EVI5: variants seen among roughly 807,000 people sequenced by gnomAD.
EVI5 encodes ecotropic viral integration site 5.
EVI5 carries 73 observed loss-of-function variants against 112.0 expected under a neutral mutation model. The observed-to-expected ratio is 0.65, with a 90% confidence interval of 0.54 to 0.79. EVI5 has a LOEUF of 0.79. EVI5 is among the 30% of genes least tolerant of loss of function. The pLI, the probability that EVI5 is intolerant of heterozygous loss-of-function variation, is 0.00. For missense variants in EVI5, 900 were observed against 968.8 expected, an observed-to-expected ratio of 0.93 and a Z score of 0.94; for synonymous variants, 305 against 319.9, an observed-to-expected ratio of 0.95 and a Z score of 0.50.
chr1:92,788,584 G>A (rs150205362), upstream of EVI5, among the ~76,000 whole-genome samples: 432 of 151,774 alleles, frequency 2.8e-3, 3 homozygotes, highest in African/African-American at 9.5e-3. Flanking sequence ...TCACAAGGTC[G>A]GGAGTTCAAG....
intron 19 of EVI5, among the ~76,000 whole-genome samples, chr1:92,518,052 C>T (rs1660242486): frequency 6.6e-6 from 1 of 151,984 alleles, no homozygotes; most frequent in Non-Finnish European, 1.5e-5. Flanking sequence ...TGCATGGCAC[C>T]ACACCTGGAA....
intron 19 of EVI5, among the ~76,000 whole-genome samples, chr1:92,537,784 T>TAA (rs200935840): frequency 2.1e-5 from 3 of 143,762 alleles, no homozygotes; most frequent in African/African-American, 2.5e-5. Context: ...CTACAGTACT[T>TAA]AAAAAAAAAA....
chr1:92,727,435 T>A (rs1156552710), intron 2 of EVI5, among the ~76,000 whole-genome samples: 2 of 152,186 alleles, frequency 1.3e-5, no homozygotes, highest in African/African-American at 4.8e-5. Context: ...AGAAATTATG[T>A]ATACCACTCC....
chr1:92,657,387 G>C (rs1484862866), intron 13 of EVI5, among the ~76,000 whole-genome samples: 1 of 152,138 alleles, frequency 6.6e-6, no homozygotes, highest in East Asian at 1.9e-4. Context: ...CATACGCCAG[G>C]TACGTCGGCT....
intron 1 of EVI5, among the ~76,000 whole-genome samples, chr1:92,741,920 C>T (rs994614603): frequency 3.3e-5 from 5 of 151,860 alleles, no homozygotes; most frequent in African/African-American, 9.7e-5. Context: ...GGCAATGATT[C>T]CTTAGACTAA....
chr1:92,587,750 GA>G lies in EVI5; in HGVS notation c.2070+17556del, dbSNP rs201337583. ...ATGGGTAAATGTTACTGGGTACCAG[GA>G]AAAAAACCAAAAGTTGGATTTGAGT... On this transcript the variant is annotated intron_variant, in intron 18 of 19. Coordinates refer to ENST00000684568, the MANE Select transcript of EVI5 (RefSeq NM_001350197.2). Among the ~76,000 whole-genome samples the G allele has an allele frequency of 1.1e-4, 17 of 152,088 alleles. No individual in the cohort carries two copies. In the East Asian group the frequency reaches 3.3e-3, roughly 29 times the overall value.
intron 1 of EVI5, among the ~76,000 whole-genome samples, chr1:92,790,189 A>C (rs1405043577): frequency 6.6e-6 from 1 of 152,114 alleles, no homozygotes; most frequent in Non-Finnish European, 1.5e-5. Flanking sequence ...TGTTGGCACA[A>C]CTGTAGCTAT....
chr1:92,584,709 T>A (rs1478036766), intron 18 of EVI5, among the ~76,000 whole-genome samples: 2 of 152,208 alleles, frequency 1.3e-5, no homozygotes, highest in Non-Finnish European at 2.9e-5. Context: ...TCCTGTAATT[T>A]AAAGTCATGG....
At chr1:92,528,674 G>A (rs966729860) in intron 19 of EVI5, among the ~76,000 whole-genome samples, 2 of 152,212 alleles carry the variant, frequency 1.3e-5, no homozygotes, top group Admixed American at 6.5e-5. Flanking sequence ...TCAGCATTGA[G>A]TGAAAGATCC....
intron 1 of EVI5, among the ~76,000 whole-genome samples, chr1:92,784,064 G>T (rs1266534063): frequency 6.6e-6 from 1 of 152,196 alleles, no homozygotes; most frequent in East Asian, 1.9e-4. Context: ...ACTTCTTTTC[G>T]AAAGCAGCTC....
intron 9 of EVI5, among the ~76,000 whole-genome samples, chr1:92,678,977 C>G (rs1411076713): frequency 6.8e-6 from 1 of 146,540 alleles, no homozygotes; most frequent in African/African-American, 2.8e-5. Context: ...AAACAGCAGT[C>G]CCCAACCCCT....
At chr1:92,600,021 A>G (rs1488932240) in intron 18 of EVI5, among the ~76,000 whole-genome samples, 2 of 152,224 alleles carry the variant, frequency 1.3e-5, no homozygotes, top group Non-Finnish European at 2.9e-5. Context: ...GGGAGGTTAC[A>G]ACAACAGTTC....
intron 16 of EVI5, among the ~76,000 whole-genome samples, chr1:92,623,711 T>C (rs1571945701): frequency 6.6e-6 from 1 of 152,220 alleles, no homozygotes; most frequent in African/African-American, 2.4e-5. Flanking sequence ...CATTTGGCAA[T>C]GTGTGCAGAA....
chr1:92,516,975 A>G (rs1348031883), intron 19 of EVI5, among the ~76,000 whole-genome samples: 1 of 152,196 alleles, frequency 6.6e-6, no homozygotes, highest in South Asian at 2.1e-4. Flanking sequence ...AGTCATCTGC[A>G]TAAGAACTGA....
At chr1:92,620,367 GAAAT>G (rs889637966) in intron 16 of EVI5, among the ~76,000 whole-genome samples, 1 of 126,104 alleles carries the variant, frequency 7.9e-6, no homozygotes, top group African/African-American at 3.0e-5. Flanking sequence ...AAAAAAGAAA[GAAAT>G]AACAACCAAG....
intron 2 of EVI5, chr1:92,714,073 GA>G (rs1031551155): frequency 2.7e-4 from 263 of 981,082 alleles, no homozygotes; most frequent in Non-Finnish European, 3.0e-4. Context: ...ACACAAGGGG[GA>G]AAAAAAACTA....
chr1:92,617,320 C>T (rs1293009191), intron 16 of EVI5, among the ~76,000 whole-genome samples: 1 of 152,154 alleles, frequency 6.6e-6, no homozygotes, highest in Non-Finnish European at 1.5e-5. Context: ...GCTGGATGGT[C>T]AGGGACTTCA....
rs191734086 is a variant in EVI5, at chr1:92,621,746, C to T, written c.1827+2430G>A. ...TATCAGACTGCATTTTAAAAAGTACCCATCTATATGTTGTTTATCAGAGAT... is the reference window on the plus strand; with the variant it reads ...TATCAGACTGCATTTTAAAAAGTACTCATCTATATGTTGTTTATCAGAGAT... On this transcript the variant is annotated intron_variant, in intron 16 of 19. Transcript: ENST00000684568. Among the ~76,000 whole-genome samples, 8 of 152,204 alleles carry T rather than the reference C, an allele frequency of 5.3e-5. No individual in the cohort carries two copies. The East Asian group carries it at 9.6e-4, about 18-fold the overall frequency.
chr1:92,684,749 G>A (rs1424100152), intron 9 of EVI5, among the ~76,000 whole-genome samples: 1 of 152,006 alleles, frequency 6.6e-6, no homozygotes, highest in Non-Finnish European at 1.5e-5. Context: ...AGCATGGGTT[G>A]CAATCCTAGT....
Sources: allele counts gnomAD v4.1 joint callset (sites outside exome capture counted in the v4.1 genomes callset), GRCh38; gene constraint gnomAD v4.1.1; transcripts MANE v1.5; gene names NCBI Gene and HGNC (gene_info 2026-07-23, HGNC 2026-07-21).